Variants in GNA14 observed in about 807,000 individuals in gnomAD.
GNA14 encodes G protein subunit alpha 14.
In GNA14, 50 loss-of-function variants were observed where a neutral mutation model predicts 42.0. That is an observed-to-expected ratio of 1.19 (90% CI 0.95 to 1.51). The LOEUF (loss-of-function observed/expected upper bound fraction) is 1.51. Ranked by LOEUF, GNA14 falls within the 40% of genes most tolerant of loss-of-function variation. GNA14 has a pLI of 0.00. For missense variants in GNA14, 473 were observed against 446.2 expected, an observed-to-expected ratio of 1.06 and a Z score of -0.54; for synonymous variants, 173 against 163.1, an observed-to-expected ratio of 1.06 and a Z score of -0.46.
intron 2 of GNA14, among the ~76,000 whole-genome samples, chr9:77,519,119 C>T (rs1276643237): frequency 1.3e-5 from 2 of 152,062 alleles, no homozygotes; most frequent in African/African-American, 4.8e-5. Context: ...ACTGATAAAA[C>T]AAAAACAGAG....
intron 1 of GNA14, among the ~76,000 whole-genome samples, chr9:77,613,871 G>A (rs1235350848): frequency 6.6e-6 from 1 of 152,072 alleles, no homozygotes; most frequent in Non-Finnish European, 1.5e-5. Context: ...TACTCCTGTT[G>A]GAAATGAGAG....
intron 1 of GNA14, among the ~76,000 whole-genome samples, chr9:77,546,988 G>A (rs1441115468): frequency 6.6e-6 from 1 of 152,092 alleles, no homozygotes; most frequent in Non-Finnish European, 1.5e-5. Context: ...AATGTATATG[G>A]TCATCCTACA....
intron 1 of GNA14, among the ~76,000 whole-genome samples, chr9:77,548,338 A>C (rs746888745): frequency 7.9e-5 from 12 of 152,120 alleles, no homozygotes; most frequent in Non-Finnish European, 1.8e-4. Flanking sequence ...GCCACAATTA[A>C]TTTGGGGCCC....
chr9:77,442,834 T>C (rs1251908275), intron 2 of GNA14, among the ~76,000 whole-genome samples: 1 of 152,162 alleles, frequency 6.6e-6, no homozygotes. Flanking sequence ...ATGGGACAAC[T>C]GCAAAGACAG....
chr9:77,587,438 G>A (rs975721356), intron 1 of GNA14, among the ~76,000 whole-genome samples: 3 of 152,120 alleles, frequency 2.0e-5, no homozygotes, highest in African/African-American at 7.2e-5. Flanking sequence ...AGTTATTGTG[G>A]TATTTATATA....
chr9:77,647,077 T>C (rs1323615879), intron 1 of GNA14, among the ~76,000 whole-genome samples: 4 of 152,218 alleles, frequency 2.6e-5, no homozygotes, highest in Admixed American at 2.6e-4. Context: ...AGCAACGGCA[T>C]GGGCTTCACC....
intron 2 of GNA14, among the ~76,000 whole-genome samples, chr9:77,473,764 T>C (rs1836371885): frequency 6.6e-6 from 1 of 152,134 alleles, no homozygotes; most frequent in Non-Finnish European, 1.5e-5. Context: ...ATTTTAAAAC[T>C]TACTACAAAG....
chr9:77,494,046 A>AAGT (rs1412361370), intron 2 of GNA14, among the ~76,000 whole-genome samples: 1 of 151,976 alleles, frequency 6.6e-6, no homozygotes, highest in Non-Finnish European at 1.5e-5. Flanking sequence ...TCAGCCTCCC[A>AAGT]AGTAGCTTGG....
intron 2 of GNA14, among the ~76,000 whole-genome samples, chr9:77,524,793 G>C (rs1564042620): frequency 6.6e-6 from 1 of 151,850 alleles, no homozygotes; most frequent in Non-Finnish European, 1.5e-5. Flanking sequence ...ACCTAAACAA[G>C]TAATAAAAAA....
At chr9:77,575,187 T>C (rs945316042) in intron 1 of GNA14, among the ~76,000 whole-genome samples, 49 of 152,282 alleles carry the variant, frequency 3.2e-4, no homozygotes, top group African/African-American at 1.2e-3. Flanking sequence ...CTGGCTAGAA[T>C]ACAAGTTTCT....
chr9:77,637,158 A>G (rs1824195500), intron 1 of GNA14, among the ~76,000 whole-genome samples: 1 of 152,230 alleles, frequency 6.6e-6, no homozygotes, highest in South Asian at 2.1e-4. Context: ...TGAAGAAAAA[A>G]ATAGTTTCCA....
intron 2 of GNA14, among the ~76,000 whole-genome samples, chr9:77,444,004 G>A (rs1052269798): frequency 1.3e-5 from 2 of 152,084 alleles, no homozygotes; most frequent in African/African-American, 4.8e-5. Flanking sequence ...ACTTCAGTGT[G>A]TTTCACTAAA....
At chr9:77,459,675 T>C (rs1374028429) in intron 2 of GNA14, among the ~76,000 whole-genome samples, 2 of 152,326 alleles carry the variant, frequency 1.3e-5, no homozygotes, top group Non-Finnish European at 2.9e-5. Flanking sequence ...TTATAAGCTA[T>C]TAGCAATGCC....
intron 1 of GNA14, among the ~76,000 whole-genome samples, chr9:77,547,995 G>A (rs1253447843): frequency 6.6e-6 from 1 of 152,188 alleles, no homozygotes; most frequent in Admixed American, 6.5e-5. Context: ...AGACAAGGTC[G>A]GAGATGGGAA....
chr9:77,446,898 C>CA (rs1216066347), intron 2 of GNA14, among the ~76,000 whole-genome samples: 1 of 152,042 alleles, frequency 6.6e-6, no homozygotes, highest in Non-Finnish European at 1.5e-5. Context: ...CCATTTTAAC[C>CA]AGTACAGAGA....
rs182801732 is a variant in GNA14, at chr9:77,576,776, C to T, written c.125-47523G>A. ...CATCCAGCAATGACTTGGTAACAAA[C>T]GGTTAAAAGGTTAAAAAAAAAAAGA... is the stretch of plus-strand genomic sequence containing the variant. On this transcript the variant is annotated intron_variant, in intron 1 of 6. Transcript: ENST00000341700. 5.8e-3 allele frequency among the ~76,000 whole-genome samples: 699 copies of T among 119,654 alleles called. 3 individuals carry two copies. The highest frequency in any genetic ancestry group is 8.1e-3 in the Non-Finnish European group (428 of 52,610). The allele number at this position is 119,654 out of a possible 152,430, so 78.5% of individuals were successfully genotyped here.
At chr9:77,425,768 A>G (rs966629431) in intron 5 of GNA14, 53 bp from the exon 6 acceptor site, 32 of 1,338,370 alleles carry the variant, frequency 2.4e-5, no homozygotes, top group Admixed American at 4.0e-5. Context: ...TATTTTGGAA[A>G]CAACATGGCG....
At chr9:77,585,967 G>T (rs1003610264) in intron 1 of GNA14, among the ~76,000 whole-genome samples, 1 of 152,074 alleles carries the variant, frequency 6.6e-6, no homozygotes, top group Non-Finnish European at 1.5e-5. Context: ...CCTTCTGTCT[G>T]TAACAGTATT....
chr9:77,629,805 C>A (rs962325260), intron 1 of GNA14, among the ~76,000 whole-genome samples: 2 of 152,118 alleles, frequency 1.3e-5, no homozygotes, highest in Non-Finnish European at 2.9e-5. Context: ...GTGCAGCAAA[C>A]CACCATGGCA....
Sources: gnomAD v4.1 joint callset for allele counts (sites outside exome capture counted in the v4.1 genomes callset) on GRCh38, gnomAD v4.1.1 for gene constraint, MANE v1.5 for transcripts, NCBI Gene and HGNC (gene_info 2026-07-23, HGNC 2026-07-21) for gene names.